BICRA: variants seen among roughly 807,000 people sequenced by gnomAD.
BICRA encodes the protein BRD4-interacting chromatin-remodeling complex-associated protein.
A neutral mutation model predicts 96.9 loss-of-function variants in BICRA; 31 were observed. The ratio of observed to expected loss-of-function variants is 0.32; its 90% CI spans 0.24 to 0.43. BICRA has a LOEUF of 0.43. Ranked by LOEUF, BICRA falls within the 20% of genes least tolerant of loss-of-function variation. The pLI, the probability that BICRA is intolerant of heterozygous loss-of-function variation, is 1.00. For missense variants in BICRA, 2,283 were observed against 2,190.3 expected, an observed-to-expected ratio of 1.04 and a Z score of -0.84; for synonymous variants, 1,350 against 1,071.8, an observed-to-expected ratio of 1.26 and a Z score of -5.07.
At chr19:47,693,834 G>C (rs1023854640) in intron 7 of BICRA, among the ~76,000 whole-genome samples, 3 of 152,220 alleles carry the variant, frequency 2.0e-5, no homozygotes, top group Non-Finnish European at 4.4e-5. Context: ...ACTGCGAGGG[G>C]TGGGGGGAAT....
intron 10 of BICRA, among the ~76,000 whole-genome samples, chr19:47,696,129 C>T (rs982733692): frequency 9.2e-5 from 14 of 151,968 alleles, no homozygotes; most frequent in African/African-American, 3.1e-4. Context: ...GGGTGCTGGG[C>T]GGTGATGTGG....
intron 6 of BICRA, 92 bp downstream of exon 6, chr19:47,681,368 G>A: frequency 8.6e-7 from 1 of 1,160,462 alleles, no homozygotes; most frequent in South Asian, 1.4e-5. Flanking sequence ...TCCAAAAGTG[G>A]ATGCCACTGT....
At position 47,702,439 on chromosome 19, in the gene BICRA, G is replaced by A. The variant is rs368465080; in HGVS notation, c.*24G>A. The A allele has an allele frequency of 3.7e-3, 5,335 of 1,457,068 alleles. 11 individuals carry two copies. Among genetic ancestry groups the A allele is most frequent in the Non-Finnish European group, 4.4e-3 (4,883 of 1,119,196 alleles). 90.3% of individuals were successfully genotyped at this position (1,457,068 alleles called of 1,614,324 possible). A position where few individuals can be genotyped will look rare whatever the true frequency, so the allele number is the denominator to read the frequency against. On this transcript the variant is annotated 3_prime_UTR_variant, in exon 15 of 15. Transcript: ENST00000594866. Reference sequence around the variant, plus strand: ...AACACCGGGCCGCCTCCCCTTCCCCGTCCCCTCCTCCCGAAGACGCCGGGA... The same window carrying A: ...AACACCGGGCCGCCTCCCCTTCCCCATCCCCTCCTCCCGAAGACGCCGGGA...
At chr19:47,626,455 C>T (rs532714825) in intron 1 of BICRA, 1 of 152,086 alleles carries the variant, frequency 6.6e-6, no homozygotes, top group Admixed American at 6.6e-5. Context: ...GTAGTGTGAT[C>T]TTGGCTTGCT....
chr19:47,670,450 C>T lies in BICRA; in HGVS notation c.-100C>T, dbSNP rs949675522. On this transcript the variant is annotated 5_prime_UTR_variant, in exon 2 of 15. Transcript: ENST00000594866. ...CTCTCATTTTCTCCACAGCTGGCCCCCAAGAGGACCCTTTCCAAGTCCCCA... is the reference window on the plus strand; with the variant it reads ...CTCTCATTTTCTCCACAGCTGGCCCTCAAGAGGACCCTTTCCAAGTCCCCA... The T allele has an allele frequency of 6.6e-6, 1 of 152,188 alleles. No individual in the cohort carries two copies. Among genetic ancestry groups the T allele is most frequent in the African/African-American group, 2.4e-5 (1 of 41,424 alleles). 9.4% of individuals were successfully genotyped at this position (152,188 alleles called of 1,614,324 possible).
intron 5 of BICRA, among the ~76,000 whole-genome samples, chr19:47,677,827 G>A (rs2123582395): frequency 6.6e-6 from 1 of 152,330 alleles, no homozygotes; most frequent in South Asian, 2.1e-4. Context: ...AACCTTTAGG[G>A]CCAGGTGTGT....
intron 14 of BICRA, chr19:47,700,260 C>T (rs1973419417): frequency 6.6e-6 from 1 of 152,178 alleles, no homozygotes; most frequent in Non-Finnish European, 1.5e-5. Flanking sequence ...TTATCTGACA[C>T]CCTCGGGGCC....
chr19:47,629,302 G>A (rs570208367), intron 1 of BICRA, among the ~76,000 whole-genome samples: 3 of 152,024 alleles, frequency 2.0e-5, no homozygotes, highest in Non-Finnish European at 4.4e-5. Flanking sequence ...CACACCCGGC[G>A]TCCAACTGAA....
chr19:47,650,411 G>A (rs73563263), intron 1 of BICRA, among the ~76,000 whole-genome samples: 4,718 of 152,118 alleles, frequency 0.031, 240 homozygotes, highest in African/African-American at 0.11. Context: ...GCTGAGCCAC[G>A]GCACCTGGCC....
chr19:47,611,974 G>T (rs1013395110), intron 1 of BICRA, among the ~76,000 whole-genome samples: 3 of 151,724 alleles, frequency 2.0e-5, no homozygotes, highest in Non-Finnish European at 4.4e-5. Context: ...AGGTTCAAGC[G>T]ATTGTCCTGC....
intron 1 of BICRA, among the ~76,000 whole-genome samples, chr19:47,653,037 T>TTC (rs1972563387): frequency 6.7e-6 from 1 of 150,168 alleles, no homozygotes; most frequent in South Asian, 2.1e-4. Context: ...TTTTTTTTTT[T>TTC]TCCGAGACAG....
In BICRA at chr19:47,698,845, G is replaced by A; in HGVS notation, c.3397+63G>A. 5 of 1,433,556 alleles carry A rather than the reference G, an allele frequency of 3.5e-6. No homozygotes were observed. The highest frequency in any genetic ancestry group is 3.8e-6 in the Non-Finnish European group (4 of 1,041,260). 88.8% of individuals were successfully genotyped at this position (1,433,556 alleles called of 1,614,324 possible). A position where few individuals can be genotyped will look rare whatever the true frequency, so the allele number is the denominator to read the frequency against. The stretch of plus-strand genomic sequence containing the variant: ...GGGACCCCAGCCCGTGGGGCGGGGC[G>A]TCGCCAGTGTGGAGCCGCAGGTCCA... On this transcript the variant is annotated intron_variant, in intron 12 of 14. Coordinates refer to ENST00000594866, the MANE Select transcript of BICRA (RefSeq NM_001394372.1). The surrounding 1 kb of genome is among the most constrained non-coding windows in gnomAD (Gnocchi z 4.8).
In BICRA at chr19:47,681,229, C is replaced by T. The variant is rs776532341; in HGVS notation, c.2059C>T (p.Pro687Ser). 5 of 1,536,840 alleles carry T rather than the reference C, an allele frequency of 3.3e-6. No individual in the cohort carries two copies. In the African/African-American group the frequency reaches 4.1e-5, roughly 13 times the overall value. The change falls in exon 6 of 15, where the codon CCC (proline) becomes TCC (serine). Residue 687 changes from proline to serine, a missense_variant. Physicochemically the swap from Pro to Ser is moderately conservative, Grantham distance 74. Coordinates refer to ENST00000594866, the MANE Select transcript of BICRA (RefSeq NM_001394372.1). Reference protein sequence around the residue: ...IVLGQPPSATPTAILTQDSLQ... With the variant: ...IVLGQPPSATSTAILTQDSLQ... ...CCTGGGGCAGCCGCCCTCTGCCACC[C>T]CCACGGCCATCCTCACTCAGGACTC...
In BICRA at chr19:47,679,425, T is replaced by C. The variant is rs1399576236; in HGVS notation, c.255T>C (p.Pro85=). Residue 85 remains proline (P), a synonymous_variant, in exon 6 of 15, where the codon CCT becomes CCC. Transcript: ENST00000594866. ...TGGAAGATGACATCCTGGGCTCTCC[T>C]GCGACAGGGGGCGGCGGCGGGGGCA... ...DFLEDDILGS[P]ATGGGGGGSG... is the part of the protein sequence containing the mutation. 37 of 1,487,664 alleles carry C rather than the reference T, an allele frequency of 2.5e-5. No individual in the cohort carries two copies. Among genetic ancestry groups the C allele is most frequent in the Non-Finnish European group, 3.0e-5 (34 of 1,116,720 alleles). The allele number at this position is 1,487,664 out of a possible 1,614,324, so 92.2% of individuals were successfully genotyped here.
rs750137105 is a variant in BICRA at position 47,680,271 on chromosome 19, G to A, written c.1101G>A (p.Thr367=). The A allele has an allele frequency of 2.6e-6, 4 of 1,559,782 alleles. No homozygotes were observed. The highest frequency in any genetic ancestry group is 3.7e-5 in the Admixed American group (2 of 54,718). Residue 367 remains threonine (T), a synonymous_variant, in exon 6 of 15, where the codon ACG becomes ACA. Coordinates refer to ENST00000594866, the MANE Select transcript of BICRA (RefSeq NM_001394372.1). ...GVLPPKLYQL[T]PKPFAPAGAT... is the part of the protein sequence containing the mutation. ...TGCCGCCCAAGCTCTACCAGCTGAC[G>A]CCCAAGCCGTTTGCGCCCGCGGGCG...
Position 47,694,212 on chromosome 19 carries a change from C to T in BICRA, c.2381C>T (p.Pro794Leu). 7.7e-7 allele frequency: 1 copy of T among 1,294,472 alleles called. No individual in the cohort carries two copies. The highest frequency in any genetic ancestry group is 1.0e-6 in the Non-Finnish European group (1 of 963,074). The allele number at this position is 1,294,472 out of a possible 1,614,324, so 80.2% of individuals were successfully genotyped here. A position where few individuals can be genotyped will look rare whatever the true frequency, so the allele number is the denominator to read the frequency against. The change falls in exon 8 of 15, where the codon CCA (proline) becomes CTA (leucine). Residue 794 changes from proline to leucine, a missense_variant. Physicochemically the swap from Pro to Leu is moderately conservative, Grantham distance 98. Coordinates refer to ENST00000594866, the MANE Select transcript of BICRA (RefSeq NM_001394372.1). ...PLGDSPHLPS[P>L]HPTRPPSRPP... ...GGGGACAGCCCCCACCTGCCCTCCC[C>T]ACACCCCACCCGGCCCCCTTCCCGC... is the stretch of plus-strand genomic sequence containing the variant.
rs192659995 is a variant in BICRA at position 47,658,724 on chromosome 19, A to G, written c.-107-11719A>G. Among the ~76,000 whole-genome samples, 206 of 151,414 alleles carry G rather than the reference A, an allele frequency of 1.4e-3. 3 individuals carry two copies. Among genetic ancestry groups the G allele is most frequent in the Non-Finnish European group, 5.9e-4 (40 of 67,910 alleles). ...CCAGCAGCATCAGCATCACCTGGGA[A>G]CTCATTAGAAATGCAGAGTCTCAGG... is the stretch of plus-strand genomic sequence containing the variant. On this transcript the variant is annotated intron_variant, in intron 1 of 14. Transcript: ENST00000594866.
At position 47,694,558 on chromosome 19, in the gene BICRA, G is replaced by T; in HGVS notation, c.2727G>T (p.Gln909His). The T allele has an allele frequency of 6.2e-7, 1 of 1,606,510 alleles. No individual in the cohort carries two copies. Among genetic ancestry groups the T allele is most frequent in the East Asian group, 2.3e-5 (1 of 44,374 alleles). The change falls in exon 8 of 15, where the codon CAG (glutamine) becomes CAT (histidine). Residue 909 changes from glutamine to histidine, a missense_variant. Coordinates refer to ENST00000594866, the MANE Select transcript of BICRA (RefSeq NM_001394372.1). ...PAPTPSDFQL[Q>H]FPPSQGPHKS... ...CTACGCCATCCGACTTCCAGCTCCA[G>T]TTCCCACCCAGCCAGGGGCCCCACA...
In BICRA at chr19:47,680,894, C is replaced by G. The variant is rs1973038546; in HGVS notation, c.1724C>G (p.Ala575Gly). 6.7e-7 allele frequency: 1 copy of G among 1,484,794 alleles called. No individual in the cohort carries two copies. Among genetic ancestry groups the G allele is most frequent in the East Asian group, 2.6e-5 (1 of 38,682 alleles). The allele number at this position is 1,484,794 out of a possible 1,614,324, so 92.0% of individuals were successfully genotyped here. A position where few individuals can be genotyped will look rare whatever the true frequency, so the allele number is the denominator to read the frequency against. The change falls in exon 6 of 15, where the codon GCC (alanine) becomes GGC (glycine). Residue 575 changes from alanine (A) to glycine (G), a missense_variant. Physicochemically the swap from Ala to Gly is moderately conservative, Grantham distance 60 (BLOSUM62 0). Coordinates refer to ENST00000594866, the MANE Select transcript of BICRA (RefSeq NM_001394372.1). ...SLPTQSQPAPAGPAATTVLQG... is the reference protein window; with the variant it reads ...SLPTQSQPAPGGPAATTVLQG... Reference sequence around the variant, plus strand: ...CCCACGCAGAGCCAGCCAGCGCCCGCCGGGCCGGCCGCCACCACTGTCCTC... The same window carrying G: ...CCCACGCAGAGCCAGCCAGCGCCCGGCGGGCCGGCCGCCACCACTGTCCTC...
Sources: gnomAD v4.1 joint callset for allele counts (sites outside exome capture counted in the v4.1 genomes callset) on GRCh38, gnomAD v4.1.1 for gene constraint, Gnocchi (gnomAD v3.1) non-coding constraint, MANE v1.5 for transcripts, NCBI Gene and HGNC (gene_info 2026-07-23, HGNC 2026-07-21) for gene names.